The following CNTN4 variants were observed in gnomAD, a reference collection of about 807,000 sequenced individuals.
CNTN4 encodes contactin-4.
Under a neutral mutation model 122.5 loss-of-function variants are expected in CNTN4, and 77 were observed. The observed-to-expected ratio is 0.63, with a 90% CI of 0.52 to 0.76. The LOEUF is 0.76. Among genes scored for constraint, CNTN4 ranks in the 30% least tolerant of loss-of-function variants. CNTN4 has a pLI of 0.00. For synonymous variants in CNTN4, 512 were observed against 447.0 expected (o/e 1.15, Z -1.83); for missense variants, 1,256 against 1,259.1 (o/e 1.00, Z 0.04).
intron 8 of CNTN4, among the ~76,000 whole-genome samples, chr3:2,871,140 A>G (rs769023419): frequency 1.3e-5 from 2 of 152,246 alleles, no homozygotes; most frequent in African/African-American, 4.8e-5. Flanking sequence ...CAGCCCCACC[A>G]TTTATTAGCC....
chr3:2,486,822 T>A (rs1343690067), intron 3 of CNTN4, among the ~76,000 whole-genome samples: 1 of 152,186 alleles, frequency 6.6e-6, no homozygotes, highest in Non-Finnish European at 1.5e-5. Context: ...GTTACCAGAA[T>A]GGGCAAAAAT....
intron 2 of CNTN4, among the ~76,000 whole-genome samples, chr3:2,287,632 GAGAAGAAGAAGAAGAAGAAGAAGA>G (rs1210971247): frequency 1.4e-3 from 70 of 49,512 alleles, no homozygotes; most frequent in African/African-American, 4.8e-3. Context: ...GAAGGAGAAG[GAGAAGAAGAAGAAGAAGAAGAAGA>G]AGAAGAAGAA....
chr3:2,775,768 T>C (rs2149804139), intron 6 of CNTN4, among the ~76,000 whole-genome samples: 1 of 152,312 alleles, frequency 6.6e-6, no homozygotes, highest in African/African-American at 2.4e-5. Flanking sequence ...AACAGAGCAG[T>C]TATTATCACT....
chr3:2,320,518 T>G (rs549662396), intron 2 of CNTN4, among the ~76,000 whole-genome samples: 45 of 152,254 alleles, frequency 3.0e-4, no homozygotes, highest in African/African-American at 1.0e-3. Flanking sequence ...GTATCCCAGG[T>G]GGATAACTGT....
At chr3:2,183,921 T>G (rs904761600) in intron 2 of CNTN4, among the ~76,000 whole-genome samples, 2 of 152,158 alleles carry the variant, frequency 1.3e-5, no homozygotes, top group African/African-American at 4.8e-5. Context: ...ACAGAGAATA[T>G]CCTCTCCAGA....
rs575590543 is a variant in CNTN4, at chr3:2,420,065, T to A, written c.-89+80832T>A. On this transcript the variant is annotated intron_variant, in intron 3 of 24. Coordinates refer to ENST00000418658, the MANE Select transcript of CNTN4 (RefSeq NM_175607.3). ...GGAATTTGCTAGAAGTTGTTCCTCA[T>A]ACAGTGCAATAGTACAAGCAAGCAT... is the stretch of plus-strand genomic sequence containing the variant. Among the ~76,000 whole-genome samples, 11 of 152,290 alleles carry A rather than the reference T, an allele frequency of 7.2e-5. No homozygotes were observed. The Middle Eastern group carries it at 0.017, about 235-fold the overall frequency.
intron 12 of CNTN4, among the ~76,000 whole-genome samples, chr3:2,914,233 C>T (rs1240043464): frequency 1.3e-5 from 2 of 151,936 alleles, no homozygotes; most frequent in African/African-American, 4.8e-5. Context: ...GCCCTAACTT[C>T]GCACCACAGG....
chr3:2,958,149 A>G (rs1294174717), intron 13 of CNTN4, among the ~76,000 whole-genome samples: 1 of 152,182 alleles, frequency 6.6e-6, no homozygotes, highest in East Asian at 1.9e-4. Flanking sequence ...ATTCTGACAA[A>G]CAGAAAATCT....
intron 6 of CNTN4, among the ~76,000 whole-genome samples, chr3:2,761,843 C>T (rs1160621403): frequency 1.3e-5 from 2 of 152,130 alleles, no homozygotes; most frequent in Non-Finnish European, 2.9e-5. Context: ...TAATTAATTA[C>T]TGATGCTGTC....
intron 10 of CNTN4, among the ~76,000 whole-genome samples, chr3:2,896,020 C>G (rs1011760422): frequency 3.3e-5 from 5 of 152,064 alleles, no homozygotes; most frequent in African/African-American, 9.7e-5. Context: ...GCGACAGAGC[C>G]AGACTCTGTC....
rs1025029412 is a variant in CNTN4, at chr3:2,516,952, A to G, written c.-88-54464A>G. On this transcript the variant is annotated intron_variant, in intron 3 of 24. Coordinates refer to ENST00000418658, the MANE Select transcript of CNTN4 (RefSeq NM_175607.3). ...TAACAAAAGAAAGAAAGAAAAAAAAATGTAAATAAGGAAGTAGAGGAATGA... is the reference window on the plus strand; with the variant it reads ...TAACAAAAGAAAGAAAGAAAAAAAAGTGTAAATAAGGAAGTAGAGGAATGA... Among the ~76,000 whole-genome samples, 5 of 152,084 alleles carry G rather than the reference A, an allele frequency of 3.3e-5. No individual in the cohort carries two copies. In the South Asian group the frequency reaches 6.2e-4, roughly 19 times the overall value.
intron 3 of CNTN4, among the ~76,000 whole-genome samples, chr3:2,429,663 G>A (rs569732889): frequency 2.4e-4 from 36 of 152,296 alleles, no homozygotes; most frequent in African/African-American, 7.9e-4. Flanking sequence ...TTGTTCAGCT[G>A]TGCCATGCCC....
intron 18 of CNTN4, 125 bp downstream of exon 18, chr3:3,037,453 T>A: frequency 7.6e-7 from 1 of 1,314,946 alleles, no homozygotes; most frequent in South Asian, 1.2e-5. Flanking sequence ...TCCCTTTAAA[T>A]GTTTATAATG....
At chr3:3,021,630 T>C (rs1698297977) in intron 14 of CNTN4, among the ~76,000 whole-genome samples, 1 of 152,184 alleles carries the variant, frequency 6.6e-6, no homozygotes, top group African/African-American at 2.4e-5. Flanking sequence ...AAACACACAT[T>C]AAATACTATC....
At chr3:2,573,613 A>T (rs1162288808) in intron 4 of CNTN4, among the ~76,000 whole-genome samples, 1 of 152,214 alleles carries the variant, frequency 6.6e-6, no homozygotes, top group East Asian at 1.9e-4. Context: ...ATATCAAGAT[A>T]TGAAAGGGTT....
chr3:2,891,024 G>C (rs570408496), intron 10 of CNTN4, among the ~76,000 whole-genome samples: 3 of 152,128 alleles, frequency 2.0e-5, no homozygotes, highest in African/African-American at 7.2e-5. Flanking sequence ...CTACCATGTG[G>C]GAGACATTAT....
At chr3:3,001,664 G>GT (rs148528515) in intron 14 of CNTN4, among the ~76,000 whole-genome samples, 1,583 of 152,232 alleles carry the variant, frequency 0.01, 29 homozygotes, top group African/African-American at 0.036. Flanking sequence ...CACATCCTCT[G>GT]TAAGCATTTG....
chr3:2,671,569 T>C (rs62232713), intron 4 of CNTN4, among the ~76,000 whole-genome samples: 7,028 of 152,256 alleles, frequency 0.046, 215 homozygotes, highest in Middle Eastern at 0.12. Flanking sequence ...TTTGATCATC[T>C]GAAGCCTTCT....
intron 2 of CNTN4, among the ~76,000 whole-genome samples, chr3:2,153,344 C>G (rs1183339155): frequency 1.3e-5 from 2 of 151,956 alleles, no homozygotes; most frequent in African/African-American, 4.8e-5. Flanking sequence ...GGAAAATGCC[C>G]TACAAATGAA....
Sources: gnomAD v4.1 joint callset for allele counts (sites outside exome capture counted in the v4.1 genomes callset) on GRCh38, gnomAD v4.1.1 for gene constraint, MANE v1.5 for transcripts, NCBI Gene and HGNC (gene_info 2026-07-23, HGNC 2026-07-21) for gene names.